FAM3B: variants seen among roughly 807,000 people sequenced by gnomAD.
The protein encoded by FAM3B is FAM3 metabolism regulating signaling molecule B, also known as protein FAM3B.
In FAM3B, 29 loss-of-function variants were observed where a neutral mutation model predicts 28.4. The ratio of observed to expected loss-of-function variants is 1.02; its 90% CI spans 0.76 to 1.39. The LOEUF is 1.39. Ranked by LOEUF, FAM3B falls within the 40% of genes most tolerant of loss-of-function variation. The probability of loss-of-function intolerance (pLI) is 0.00; values close to 1 mark genes in which losing one functional copy is unlikely to be tolerated. For synonymous variants in FAM3B, 91 were observed against 103.0 expected (o/e 0.88, Z 0.71); for missense variants, 266 against 293.9 (o/e 0.91, Z 0.69).
intron 1 of FAM3B, 49 bp downstream of exon 1, chr21:41,316,947 C>T: frequency 7.8e-7 from 1 of 1,286,142 alleles, no homozygotes; most frequent in South Asian, 2.5e-5. Flanking sequence ...GGAAGGAGGA[C>T]CCCAGGGGAA....
At chr21:41,305,097 T>C (rs1322472618) in intron 1 of FAM3B, among the ~76,000 whole-genome samples, 2 of 152,122 alleles carry the variant, frequency 1.3e-5, no homozygotes, top group East Asian at 3.8e-4. Context: ...AGAAAGGAAA[T>C]GTGTACAAAA....
chr21:41,311,251 A>ATATATATAT (rs1171631523), intron 1 of FAM3B, among the ~76,000 whole-genome samples: 2 of 35,072 alleles, frequency 5.7e-5, no homozygotes, highest in South Asian at 1.5e-3. Context: ...AAAAAAAAAA[A>ATATATATAT]ATATATATAT....
At chr21:41,304,336 G>A (rs1388183281) in intron 1 of FAM3B, 4 of 455,696 alleles carry the variant, frequency 8.8e-6, no homozygotes, top group Admixed American at 7.0e-5. Context: ...GCTGGCGTGG[G>A]GAGGGGAAGG....
intron 2 of FAM3B, among the ~76,000 whole-genome samples, chr21:41,330,654 C>T (rs1331681110): frequency 6.6e-6 from 1 of 152,210 alleles, no homozygotes; most frequent in African/African-American, 2.4e-5. Flanking sequence ...ATGAGTTCAA[C>T]TTGTTTACAT....
At chr21:41,317,737 A>T (rs2088762957) in intron 1 of FAM3B, among the ~76,000 whole-genome samples, 1 of 152,076 alleles carries the variant, frequency 6.6e-6, no homozygotes, top group South Asian at 2.1e-4. Flanking sequence ...CTCTGTAGTG[A>T]GGGTGTTGGA....
chr21:41,307,895 C>T (rs770905333), intron 1 of FAM3B, among the ~76,000 whole-genome samples: 18 of 151,926 alleles, frequency 1.2e-4, no homozygotes, highest in African/African-American at 1.7e-4. Flanking sequence ...TACCAAAATG[C>T]GCCACAGAGA....
chr21:41,334,532 G>C (rs911171633), intron 2 of FAM3B, among the ~76,000 whole-genome samples: 1 of 152,134 alleles, frequency 6.6e-6, no homozygotes, highest in African/African-American at 2.4e-5. Flanking sequence ...AGCCTGGGGG[G>C]TATTCACATG....
chr21:41,348,245 G>A (rs1187605802), intron 6 of FAM3B, among the ~76,000 whole-genome samples: 1 of 152,098 alleles, frequency 6.6e-6, no homozygotes, highest in East Asian at 1.9e-4. Flanking sequence ...CTTATTTTGT[G>A]GTCACTAAAC....
intron 2 of FAM3B, among the ~76,000 whole-genome samples, chr21:41,331,450 C>T (rs2088904915): frequency 6.6e-6 from 1 of 152,108 alleles, no homozygotes; most frequent in South Asian, 2.1e-4. Flanking sequence ...GATGTAATTC[C>T]CTTTGCCTGT....
At chr21:41,308,228 T>C (rs1322104007) in intron 1 of FAM3B, among the ~76,000 whole-genome samples, 4 of 152,228 alleles carry the variant, frequency 2.6e-5, no homozygotes, top group African/African-American at 9.7e-5. Context: ...TCCAGGATTA[T>C]TCAAGGTACC....
intron 5 of FAM3B, chr21:41,345,992 TATA>T (rs59911485): frequency 0.035 from 10,529 of 296,812 alleles, 1,111 homozygotes; most frequent in African/African-American, 0.23. Context: ...GCTCTCATGA[TATA>T]ATAAGAAAGA....
At chr21:41,340,185 C>T (rs979633431) in intron 3 of FAM3B, among the ~76,000 whole-genome samples, 292 of 144,696 alleles carry the variant, frequency 2.0e-3, no homozygotes, top group Non-Finnish European at 2.8e-3. Context: ...GACAGAGTCT[C>T]ACTCTGTCAC....
upstream of FAM3B, among the ~76,000 whole-genome samples, chr21:41,314,636 C>T (rs1226459359): frequency 6.6e-6 from 1 of 152,058 alleles, no homozygotes; most frequent in Non-Finnish European, 1.5e-5. Flanking sequence ...GTGGACATTT[C>T]TCCAAAGATG....
At chr21:41,306,225 AACTGAAGTTAC>A (rs1459040330) in intron 1 of FAM3B, among the ~76,000 whole-genome samples, 1 of 152,236 alleles carries the variant, frequency 6.6e-6, no homozygotes, top group African/African-American at 2.4e-5. Flanking sequence ...TATTTGCTGT[AACTGAAGTTAC>A]ACTGAAGTCT....
chr21:41,329,940 G>C (rs2088889679), intron 2 of FAM3B, among the ~76,000 whole-genome samples: 1 of 152,080 alleles, frequency 6.6e-6, no homozygotes, highest in Non-Finnish European at 1.5e-5. Context: ...ATCATTTGCT[G>C]AATTTGCTAA....
chr21:41,345,551 A>C (rs2089049196), intron 4 of FAM3B, 135 bp from the exon 5 acceptor site: 1 of 567,356 alleles, frequency 1.8e-6, no homozygotes, highest in Admixed American at 3.8e-5. Flanking sequence ...CTGTCTCTGC[A>C]GGCTGGGTCA....
intron 3 of FAM3B, among the ~76,000 whole-genome samples, chr21:41,341,661 G>A (rs2089008211): frequency 6.6e-6 from 1 of 152,230 alleles, no homozygotes; most frequent in Non-Finnish European, 1.5e-5. Context: ...GGATGTAGCT[G>A]TTGTTCTTAG....
chr21:41,341,985 G>A (rs139506153), intron 3 of FAM3B, among the ~76,000 whole-genome samples: 253 of 152,316 alleles, frequency 1.7e-3, no homozygotes, highest in African/African-American at 5.8e-3. Context: ...AATTCTTCCA[G>A]TTTATGTTTC....
chr21:41,334,664 C>A (rs138929698), intron 2 of FAM3B, among the ~76,000 whole-genome samples: 1 of 152,204 alleles, frequency 6.6e-6, no homozygotes, highest in South Asian at 2.1e-4. Flanking sequence ...GGCAGAACCT[C>A]TACTAGAACA....
Sources: gnomAD v4.1 joint callset for allele counts (sites outside exome capture counted in the v4.1 genomes callset) on GRCh38, gnomAD v4.1.1 for gene constraint, MANE v1.5 for transcripts, NCBI Gene and HGNC (gene_info 2026-07-23, HGNC 2026-07-21) for gene names.